The following BNC2 variants were observed in gnomAD, a reference collection of about 807,000 sequenced individuals.
The protein encoded by BNC2 is zinc finger protein basonuclin-2.
In BNC2, 20 loss-of-function variants were observed where a neutral mutation model predicts 76.3. The observed-to-expected ratio is 0.26, with a 90% CI of 0.18 to 0.38. The LOEUF is 0.38. Ranked by LOEUF, BNC2 falls within the 10% of genes least tolerant of loss-of-function variation. BNC2 has a pLI of 1.00. For synonymous variants in BNC2, 582 were observed against 514.8 expected, an observed-to-expected ratio of 1.13 and a Z score of -1.77; for missense variants, 1,382 against 1,399.8, an observed-to-expected ratio of 0.99 and a Z score of 0.20.
intron 4 of BNC2, among the ~76,000 whole-genome samples, chr9:16,574,129 G>A (rs1819415672): frequency 6.6e-6 from 1 of 152,152 alleles, no homozygotes; most frequent in Non-Finnish European, 1.5e-5. Context: ...GAGAGGAGTT[G>A]AGTGTGTTTC....
intron 2 of BNC2, among the ~76,000 whole-genome samples, chr9:16,729,909 C>T (rs944720428): frequency 2.0e-5 from 3 of 152,016 alleles, no homozygotes; most frequent in African/African-American, 7.2e-5. Context: ...TAGCAAGCTT[C>T]CTCCTCCTTC....
chr9:16,800,242 G>C (rs1315089932), intron 1 of BNC2, among the ~76,000 whole-genome samples: 1 of 149,542 alleles, frequency 6.7e-6, no homozygotes, highest in Admixed American at 6.7e-5. Context: ...AAAAAGAAAA[G>C]AAACTATGTA....
At chr9:16,515,380 T>C (rs1822853164) in intron 5 of BNC2, among the ~76,000 whole-genome samples, 1 of 152,210 alleles carries the variant, frequency 6.6e-6, no homozygotes, top group African/African-American at 2.4e-5. Context: ...CTGAAAGGAA[T>C]GCTACGGGGC....
At chr9:16,540,198 C>A (rs1587147089) in intron 5 of BNC2, among the ~76,000 whole-genome samples, 1 of 137,248 alleles carries the variant, frequency 7.3e-6, no homozygotes. Flanking sequence ...CAAGACACAA[C>A]CCAGGGTAAC....
chr9:16,777,696 A>C (rs1360682233), intron 1 of BNC2, among the ~76,000 whole-genome samples: 1 of 110,018 alleles, frequency 9.1e-6, no homozygotes, highest in Non-Finnish European at 2.4e-5. Context: ...GCAAGACTCC[A>C]TCTCAAAAAA....
chr9:16,786,006 G>T (rs865775309), intron 1 of BNC2, among the ~76,000 whole-genome samples: 1 of 151,942 alleles, frequency 6.6e-6, no homozygotes, highest in Non-Finnish European at 1.5e-5. Flanking sequence ...GGGTAGTCTC[G>T]GGAACCACAG....
At chr9:16,504,421 A>C (rs988508051) in intron 5 of BNC2, among the ~76,000 whole-genome samples, 5 of 152,108 alleles carry the variant, frequency 3.3e-5, no homozygotes, top group African/African-American at 1.2e-4. Flanking sequence ...AAATGATACA[A>C]GATGCTTCAT....
rs532216610 is a variant in BNC2, at chr9:16,737,779, T to A, written c.129+581A>T. On this transcript the variant is annotated intron_variant, in intron 2 of 6. Transcript: ENST00000380672. ...ATGGCAAGTTAAAAATACGAAGACT[T>A]AACAGGTCCCTTAGAAGATCTGCAT... Among the ~76,000 whole-genome samples, 169 of 152,262 alleles carry A rather than the reference T, an allele frequency of 1.1e-3. 1 individual carries two copies. The highest frequency in any genetic ancestry group is 3.9e-3 in the African/African-American group (161 of 41,548).
At chr9:16,480,519 G>C (rs1017271887) in intron 5 of BNC2, among the ~76,000 whole-genome samples, 2 of 152,336 alleles carry the variant, frequency 1.3e-5, no homozygotes, top group African/African-American at 4.8e-5. Flanking sequence ...GGAGAGGCGG[G>C]AGCAGGAACC....
At chr9:16,605,026 A>G (rs964925498) in intron 3 of BNC2, among the ~76,000 whole-genome samples, 1 of 152,114 alleles carries the variant, frequency 6.6e-6, no homozygotes, top group African/African-American at 2.4e-5. Flanking sequence ...TTCTTAATGG[A>G]CACATCTTTT....
chr9:16,522,931 A>C (rs1817666676), intron 5 of BNC2, among the ~76,000 whole-genome samples: 1 of 152,166 alleles, frequency 6.6e-6, no homozygotes, highest in African/African-American at 2.4e-5. Context: ...CCATGATGGG[A>C]AAGAAAAGCC....
chr9:16,756,665 C>A (rs570553475), intron 1 of BNC2, among the ~76,000 whole-genome samples: 4 of 152,252 alleles, frequency 2.6e-5, no homozygotes, highest in African/African-American at 9.6e-5. Context: ...CATTCCTGAA[C>A]CTCTCCCCTT....
intron 6 of BNC2, among the ~76,000 whole-genome samples, chr9:16,421,527 C>A (rs534392455): frequency 2.0e-5 from 3 of 152,102 alleles, no homozygotes; most frequent in Non-Finnish European, 4.4e-5. Context: ...AATCATAAAT[C>A]GAATTAACAC....
chr9:16,730,786 T>G (rs1824483538), intron 2 of BNC2, among the ~76,000 whole-genome samples: 1 of 152,226 alleles, frequency 6.6e-6, no homozygotes, highest in African/African-American at 2.4e-5. Flanking sequence ...TTTTAAAAAA[T>G]ATTTTTTCAT....
At chr9:16,508,448 CA>C (rs1301175631) in intron 5 of BNC2, among the ~76,000 whole-genome samples, 11 of 151,912 alleles carry the variant, frequency 7.2e-5, no homozygotes, top group African/African-American at 2.7e-4. Context: ...AGTAAAAAAA[CA>C]TCATAATTCT....
chr9:16,868,829 G>A (rs1819605634), intron 1 of BNC2, among the ~76,000 whole-genome samples: 1 of 152,062 alleles, frequency 6.6e-6, no homozygotes, highest in East Asian at 1.9e-4. Context: ...AAAAGTAAAT[G>A]TTCTGTTAAC....
intron 3 of BNC2, among the ~76,000 whole-genome samples, chr9:16,714,820 TTC>T (rs1213891261): frequency 6.6e-6 from 1 of 152,242 alleles, no homozygotes; most frequent in South Asian, 2.1e-4. Flanking sequence ...TAATTACCTG[TTC>T]TGTTGAAAAT....
At position 16,720,130 on chromosome 9, in the gene BNC2, C is replaced by T. The variant is rs191787088; in HGVS notation, c.330+7667G>A. ...TCATGCCCTTACTCAAAGAACCCTT[C>T]TACAGCAACACTCGAGACAGTCCTG... On this transcript the variant is annotated intron_variant, in intron 3 of 6. Transcript: ENST00000380672. Among the ~76,000 whole-genome samples the T allele has an allele frequency of 5.3e-5, 8 of 152,338 alleles. No individual in the cohort carries two copies. The East Asian group carries it at 7.7e-4, about 15-fold the overall frequency.
intron 5 of BNC2, among the ~76,000 whole-genome samples, chr9:16,523,321 A>G (rs1817679117): frequency 6.6e-6 from 1 of 151,964 alleles, no homozygotes; most frequent in African/African-American, 2.4e-5. Context: ...AACACAAAAA[A>G]TTAGCCGGGC....
Sources: allele counts gnomAD v4.1 joint callset (sites outside exome capture counted in the v4.1 genomes callset), GRCh38; gene constraint gnomAD v4.1.1; transcripts MANE v1.5; gene names NCBI Gene and HGNC (gene_info 2026-07-23, HGNC 2026-07-21).